The following DENND2C variants were observed in gnomAD, a reference collection of about 807,000 sequenced individuals.
The protein encoded by DENND2C is DENN domain-containing protein 2C.
Under a neutral mutation model 112.4 loss-of-function variants are expected in DENND2C, and 72 were observed. The observed-to-expected ratio is 0.64, with a 90% CI of 0.53 to 0.78. The LOEUF (loss-of-function observed/expected upper bound fraction) is 0.78, where lower values mean the gene tolerates loss of function less well. Among genes scored for constraint, DENND2C ranks in the 30% least tolerant of loss-of-function variants. The probability of loss-of-function intolerance (pLI) is 0.00; values close to 1 mark genes in which losing one functional copy is unlikely to be tolerated. For synonymous variants in DENND2C, 329 were observed against 381.6 expected, an observed-to-expected ratio of 0.86 and a Z score of 1.61; for missense variants, 992 against 1,113.8, an observed-to-expected ratio of 0.89 and a Z score of 1.56.
intron 12 of DENND2C, 125 bp from the exon 13 acceptor site, chr1:114,601,710 T>TC: frequency 1.3e-6 from 1 of 769,768 alleles, no homozygotes; most frequent in Non-Finnish European, 2.1e-6. Context: ...CTCTCATCTT[T>TC]AGTGAACACT....
rs746483959 is a variant in DENND2C at position 114,608,873 on chromosome 1, T to C, written c.1370A>G (p.Asn457Ser). Residue 457 changes from asparagine to serine, a missense_variant and splice_region_variant, in exon 10 of 21, where the codon AAT (asparagine) becomes AGT (serine). Transcript: ENST00000393274. ...CAGTTGTGCTAAGCGTTTATGGCGA[T>C]CTGTAATGAAATCATGGAGAAATGT... ...NESDAEYLPK[N>S]RHKRLAQLQP... 12 of 1,613,998 alleles carry C rather than the reference T, an allele frequency of 7.4e-6. No individual in the cohort carries two copies. The highest frequency in any genetic ancestry group is 1.6e-4 in the Middle Eastern group (1 of 6,084).
intron 11 of DENND2C, 49 bp from the exon 12 acceptor site, chr1:114,602,243 G>C: frequency 6.3e-7 from 1 of 1,583,704 alleles, no homozygotes; most frequent in Non-Finnish European, 8.7e-7. Flanking sequence ...ATTACTTATG[G>C]CATTCTCCAT....
chr1:114,637,772 C>T (rs1656698613), intron 3 of DENND2C, among the ~76,000 whole-genome samples: 1 of 152,116 alleles, frequency 6.6e-6, no homozygotes, highest in Non-Finnish European at 1.5e-5. Flanking sequence ...GCCTTGGCCT[C>T]CCAAAGTGCT....
chr1:114,606,031 T>C (rs1258377986), intron 10 of DENND2C, among the ~76,000 whole-genome samples: 1 of 152,186 alleles, frequency 6.6e-6, no homozygotes, highest in Non-Finnish European at 1.5e-5. Context: ...TAAGTCTAAT[T>C]ACCATATTGC....
intron 8 of DENND2C, among the ~76,000 whole-genome samples, chr1:114,618,052 G>A (rs12085059): frequency 0.036 from 5,403 of 151,144 alleles, 322 homozygotes; most frequent in African/African-American, 0.12. Flanking sequence ...GCAGTGGTGC[G>A]ATTTCAGCTC....
At chr1:114,659,121 T>C (rs1390913872) in intron 1 of DENND2C, among the ~76,000 whole-genome samples, 1 of 152,180 alleles carries the variant, frequency 6.6e-6, no homozygotes, top group African/African-American at 2.4e-5. Context: ...AAATAACAAC[T>C]GAAAGTCTGG....
At position 114,625,338 on chromosome 1, in the gene DENND2C, G is replaced by T; in HGVS notation, c.647C>A (p.Thr216Lys). ...ACCAGATTCGGATAAATATCTGAAT[G>T]TCCTACGAGGTTTTGGCAAAGGATT... ...SINPLPKPRR[T>K]FRYLSESGVT... Residue 216 changes from threonine to lysine, a missense_variant, in exon 4 of 21, where the codon ACA becomes AAA. By Grantham distance (78) the Thr-to-Lys change is moderately conservative (BLOSUM62 -1). Coordinates refer to ENST00000393274, the MANE Select transcript of DENND2C (RefSeq NM_001256404.2). 6.2e-7 allele frequency: 1 copy of T among 1,614,116 alleles called. No individual in the cohort carries two copies. Among genetic ancestry groups the T allele is most frequent in the Non-Finnish European group, 8.5e-7 (1 of 1,180,004 alleles).
intron 18 of DENND2C, among the ~76,000 whole-genome samples, chr1:114,592,470 G>A (rs781258729): frequency 6.6e-6 from 1 of 152,006 alleles, no homozygotes; most frequent in Non-Finnish European, 1.5e-5. Context: ...GTAATCCCAC[G>A]GCTTTGAGAG....
chr1:114,613,290 G>A (rs1262958231), intron 8 of DENND2C, among the ~76,000 whole-genome samples: 3 of 152,168 alleles, frequency 2.0e-5, no homozygotes, highest in African/African-American at 4.8e-5. Flanking sequence ...TAGTGTAAGA[G>A]TATTTGTGTA....
intron 10 of DENND2C, among the ~76,000 whole-genome samples, chr1:114,607,940 C>T (rs991942141): frequency 6.6e-6 from 1 of 152,126 alleles, no homozygotes; most frequent in Non-Finnish European, 1.5e-5. Flanking sequence ...CTCACTATGA[C>T]TCAGAGGGGT....
At chr1:114,653,590 A>T (rs1657228544) in intron 2 of DENND2C, among the ~76,000 whole-genome samples, 1 of 152,164 alleles carries the variant, frequency 6.6e-6, no homozygotes, top group Non-Finnish European at 1.5e-5. Context: ...TGGGGTAGGG[A>T]AACAAGTTAT....
rs529927718 is a variant in DENND2C, at chr1:114,583,026, TCTC to T, written c.*2571_*2573del. 4.7e-4 allele frequency: 72 copies of T among 152,274 alleles called. 2 individuals are homozygous for T. Among genetic ancestry groups the T allele is most frequent in the Admixed American group, 4.5e-3 (69 of 15,282 alleles). The allele number at this position is 152,274 out of a possible 1,614,324, so 9.4% of individuals were successfully genotyped here. ...GAAGACACCATTGCTGAAGCAAAGG[TCTC>T]CTCCTAGAGGGATAGCCAGGATCCA... On this transcript the variant is annotated 3_prime_UTR_variant, in exon 21 of 21. Coordinates refer to ENST00000393274, the MANE Select transcript of DENND2C (RefSeq NM_001256404.2).
intron 1 of DENND2C, among the ~76,000 whole-genome samples, chr1:114,659,599 A>G (rs1054540214): frequency 2.6e-5 from 4 of 152,212 alleles, no homozygotes; most frequent in Non-Finnish European, 5.9e-5. Context: ...TTGTCATAAC[A>G]ATGTCTTTTG....
chr1:114,630,634 T>C (rs1202194865), intron 3 of DENND2C, among the ~76,000 whole-genome samples: 1 of 152,146 alleles, frequency 6.6e-6, no homozygotes, highest in East Asian at 1.9e-4. Context: ...ATATGGAGAC[T>C]GAGGCAAATG....
intron 18 of DENND2C, among the ~76,000 whole-genome samples, chr1:114,588,261 C>T (rs1044449493): frequency 6.6e-6 from 1 of 152,202 alleles, no homozygotes; most frequent in Admixed American, 6.5e-5. Context: ...ATTTAATCTG[C>T]TTTTCTATTT....
chr1:114,587,569 G>A (rs999636930), intron 19 of DENND2C, 96 bp from the exon 20 acceptor site: 1 of 1,471,872 alleles, frequency 6.8e-7, no homozygotes, highest in Non-Finnish European at 9.4e-7. Context: ...TATTTCCAGG[G>A]CTAAAACAAT....
At chr1:114,592,930 C>G (rs1261290042) in intron 18 of DENND2C, among the ~76,000 whole-genome samples, 2 of 152,090 alleles carry the variant, frequency 1.3e-5, no homozygotes, top group Non-Finnish European at 2.9e-5. Context: ...TAATTGATTA[C>G]TCTTCTTTTC....
In DENND2C at chr1:114,655,878, GTATAAA is replaced by G. The variant is rs1557960821; in HGVS notation, c.-573-1123_-573-1118del. Among the ~76,000 whole-genome samples the G allele has an allele frequency of 1.5e-4, 3 of 19,942 alleles. No individual in the cohort carries two copies. In the South Asian group the frequency reaches 7.7e-3, roughly 51 times the overall value. 13.1% of individuals were successfully genotyped at this position (19,942 alleles called of 152,430 possible). ...GCTCAAAGAACTTTTATATATATAT[GTATAAA>G]TATATATATATATATAATATGTATG... On this transcript the variant is annotated intron_variant, in intron 1 of 20. Transcript: ENST00000393274.
chr1:114,610,980 T>C, intron 9 of DENND2C, 93 bp downstream of exon 9: 2 of 1,433,678 alleles, frequency 1.4e-6, no homozygotes, highest in Non-Finnish European at 1.9e-6. Context: ...GAACTTCATG[T>C]GGGAAAAAAC....
Sources: gnomAD v4.1 joint callset for allele counts (sites outside exome capture counted in the v4.1 genomes callset) on GRCh38, gnomAD v4.1.1 for gene constraint, MANE v1.5 for transcripts, NCBI Gene and HGNC (gene_info 2026-07-23, HGNC 2026-07-21) for gene names.